Variants in EYS observed in about 807,000 individuals in gnomAD.
EYS encodes the protein EGF-like photoreceptor maintenance factor, also known as protein eyes shut homolog.
EYS carries 250 observed loss-of-function variants against 282.1 expected under a neutral mutation model. The ratio of observed to expected loss-of-function variants is 0.89; its 90% CI spans 0.80 to 0.98. The LOEUF (loss-of-function observed/expected upper bound fraction) is 0.98. Ranked by LOEUF, EYS falls within the 50% of genes least tolerant of loss-of-function variation. The pLI is 0.00. For missense variants in EYS, 4,016 were observed against 3,709.0 expected (o/e 1.08, Z -2.15); for synonymous variants, 1,355 against 1,282.9 (o/e 1.06, Z -1.20).
chr6:63,859,543 C>T (rs1446196641), intron 36 of EYS, among the ~76,000 whole-genome samples: 2 of 151,610 alleles, frequency 1.3e-5, no homozygotes, highest in Admixed American at 6.6e-5. Flanking sequence ...ATAACGCATT[C>T]CACCTTTGTC....
At chr6:65,044,026 C>A (rs946504097) in intron 13 of EYS, among the ~76,000 whole-genome samples, 6 of 151,620 alleles carry the variant, frequency 4.0e-5, no homozygotes, top group African/African-American at 1.5e-4. Context: ...TTTCCTGCAT[C>A]CTCAACAAAA....
chr6:65,114,295 G>T (rs1331659292), intron 12 of EYS, among the ~76,000 whole-genome samples: 2 of 149,634 alleles, frequency 1.3e-5, no homozygotes, highest in South Asian at 4.2e-4. Flanking sequence ...ATATTTCTTT[G>T]CCTTACATTT....
intron 31 of EYS, among the ~76,000 whole-genome samples, chr6:64,130,625 A>T (rs1773943488): frequency 6.7e-6 from 1 of 148,498 alleles, no homozygotes; most frequent in Non-Finnish European, 1.5e-5. Context: ...TTAAAGTATA[A>T]TTAAAAAAAA....
chr6:63,954,522 A>G, intron 35 of EYS, among the ~76,000 whole-genome samples: 1 of 152,288 alleles, frequency 6.6e-6, no homozygotes, highest in East Asian at 1.9e-4. Context: ...ATGCCTCTTT[A>G]ATAAAAACTC....
intron 23 of EYS, among the ~76,000 whole-genome samples, chr6:64,619,081 T>C (rs570745393): frequency 6.6e-6 from 1 of 152,290 alleles, no homozygotes; most frequent in South Asian, 2.1e-4. Flanking sequence ...AATAGTTACT[T>C]CAGGGAGTGG....
At chr6:65,331,200 C>A in intron 11 of EYS, 1 of 764,308 alleles carries the variant, frequency 1.3e-6, no homozygotes, top group Non-Finnish European at 1.6e-6. Context: ...AATATTTTTA[C>A]TATTGCATTA....
At chr6:64,993,548 G>A (rs1771146798) in intron 14 of EYS, among the ~76,000 whole-genome samples, 1 of 139,376 alleles carries the variant, frequency 7.2e-6, no homozygotes, top group African/African-American at 2.7e-5. Flanking sequence ...GACACAGGAA[G>A]GGGAACATCA....
chr6:64,995,678 G>T (rs772231001), intron 14 of EYS, among the ~76,000 whole-genome samples: 5 of 151,414 alleles, frequency 3.3e-5, no homozygotes, highest in African/African-American at 4.9e-5. Flanking sequence ...AATAAGATGA[G>T]AACTTTATCT....
intron 28 of EYS, among the ~76,000 whole-genome samples, chr6:64,422,145 A>G (rs1774255745): frequency 6.6e-6 from 1 of 151,676 alleles, no homozygotes; most frequent in South Asian, 2.1e-4. Context: ...AGATTGATAG[A>G]CAGATGATAG....
intron 5 of EYS, among the ~76,000 whole-genome samples, chr6:65,436,027 C>CT (rs954482612): frequency 4.6e-5 from 7 of 151,896 alleles, no homozygotes; most frequent in African/African-American, 9.7e-5. Context: ...GTACATGGCC[C>CT]TTTTTTTTAC....
intron 12 of EYS, among the ~76,000 whole-genome samples, chr6:65,268,770 TG>T (rs1344774572): frequency 6.6e-6 from 1 of 151,396 alleles, no homozygotes; most frequent in Non-Finnish European, 1.5e-5. Flanking sequence ...CAAGAGGAAT[TG>T]TTTTTTGTAA....
intron 30 of EYS, among the ~76,000 whole-genome samples, chr6:64,280,693 T>A (rs1768276029): frequency 6.6e-6 from 1 of 152,112 alleles, no homozygotes; most frequent in South Asian, 2.1e-4. Flanking sequence ...GCCTGTGAAC[T>A]TTAATCACTC....
At chr6:64,771,572 T>C (rs1054690192) in intron 22 of EYS, among the ~76,000 whole-genome samples, 2 of 151,834 alleles carry the variant, frequency 1.3e-5, no homozygotes, top group Non-Finnish European at 3.0e-5. Flanking sequence ...CATAAGTTTT[T>C]AGTATGTAGG....
At chr6:65,091,071 C>A (rs1774543465) in intron 12 of EYS, among the ~76,000 whole-genome samples, 2 of 151,578 alleles carry the variant, frequency 1.3e-5, no homozygotes, top group Admixed American at 6.6e-5. Flanking sequence ...AAGAAATAAA[C>A]ACTAATTGTT....
At chr6:64,941,460 G>A (rs1467288110) in intron 15 of EYS, among the ~76,000 whole-genome samples, 1 of 152,010 alleles carries the variant, frequency 6.6e-6, no homozygotes, top group Non-Finnish European at 1.5e-5. Flanking sequence ...TCTTTTTCAT[G>A]TGTATGCATC....
At chr6:64,607,796 G>T (rs1486282303) in intron 24 of EYS, among the ~76,000 whole-genome samples, 1 of 152,086 alleles carries the variant, frequency 6.6e-6, no homozygotes, top group East Asian at 1.9e-4. Context: ...TTCTGACGTA[G>T]TGCTCATGGA....
At chr6:64,658,297 G>A (rs1290814255) in intron 22 of EYS, among the ~76,000 whole-genome samples, 7 of 120,452 alleles carry the variant, frequency 5.8e-5, no homozygotes, top group South Asian at 3.1e-4. Flanking sequence ...CCATGGGTTC[G>A]AACTTCCTCC....
At chr6:64,223,156 G>T (rs1033482912) in intron 31 of EYS, among the ~76,000 whole-genome samples, 2 of 151,858 alleles carry the variant, frequency 1.3e-5, no homozygotes, top group African/African-American at 2.4e-5. Flanking sequence ...AAATTAAGTT[G>T]CATGATCACT....
chr6:64,311,404 G>T (rs912703452), intron 29 of EYS, among the ~76,000 whole-genome samples: 4 of 152,124 alleles, frequency 2.6e-5, no homozygotes, highest in African/African-American at 9.7e-5. Flanking sequence ...TTAAAAAATT[G>T]TAGTCACGTG....
Sources: gnomAD v4.1 joint callset for allele counts (sites outside exome capture counted in the v4.1 genomes callset) on GRCh38, gnomAD v4.1.1 for gene constraint, MANE v1.5 for transcripts, NCBI Gene and HGNC (gene_info 2026-07-23, HGNC 2026-07-21) for gene names.